The following SIDT1 variants were observed in gnomAD, a reference collection of about 807,000 sequenced individuals.
The protein encoded by SIDT1 is SID1 transmembrane family member 1, also known as SID1 transmembrane family, member 1.
A neutral mutation model predicts 107.5 loss-of-function variants in SIDT1; 101 were observed. The ratio of observed to expected loss-of-function variants is 0.94; its 90% CI spans 0.80 to 1.11. SIDT1 has a LOEUF of 1.11. SIDT1 is among the 50% of genes least tolerant of loss of function. SIDT1 has a pLI of 0.00. For missense variants in SIDT1, 1,076 were observed against 1,058.2 expected, an observed-to-expected ratio of 1.02 and a Z score of -0.23; for synonymous variants, 395 against 398.2, an observed-to-expected ratio of 0.99 and a Z score of 0.10.
At chr3:113,634,805 A>AAAAAAATAC in the SIDT1 span, among the ~76,000 whole-genome samples, 2,159 of 152,258 alleles carry the variant, frequency 0.014, 50 homozygotes, top group African/African-American at 0.05. Context: ...CTCCATCTCG[A>AAAAAAATAC]AAAAAATACA....
rs1943898286 is a variant in SIDT1 at position 113,588,457 on chromosome 3, A to G, written c.1001+3187A>G. 1.3e-5 allele frequency among the ~76,000 whole-genome samples: 2 copies of G among 152,336 alleles called. 1 individual carries two copies. The highest frequency in any genetic ancestry group is 2.9e-5 in the Non-Finnish European group (2 of 68,022). ...TTACTTGATGAGTCCCTTAAACCCT[A>G]TTACGAATACCTATGGGGTTTGTAG... On this transcript the variant is annotated intron_variant, in intron 9 of 24. Coordinates refer to ENST00000264852, the MANE Select transcript of SIDT1 (RefSeq NM_017699.3).
At chr3:113,583,848 G>A (rs1220282696) in intron 7 of SIDT1, among the ~76,000 whole-genome samples, 1 of 152,186 alleles carries the variant, frequency 6.6e-6, no homozygotes, top group Non-Finnish European at 1.5e-5. Flanking sequence ...TTAAGATGGG[G>A]TGGTAACCAG....
intron 4 of SIDT1, among the ~76,000 whole-genome samples, chr3:113,580,290 A>G (rs1943226989): frequency 6.6e-6 from 1 of 152,266 alleles, no homozygotes; most frequent in African/African-American, 2.4e-5. Flanking sequence ...TAAAGGGGGC[A>G]GGATGCTTCT....
chr3:113,565,423 T>G (rs1393130855), intron 1 of SIDT1, among the ~76,000 whole-genome samples: 2 of 152,038 alleles, frequency 1.3e-5, no homozygotes, highest in African/African-American at 4.8e-5. Context: ...TCCCAGCTAC[T>G]TGGGAGGCTG....
intron 3 of SIDT1, among the ~76,000 whole-genome samples, chr3:113,574,752 A>G (rs1238137476): frequency 2.0e-5 from 3 of 152,128 alleles, no homozygotes; most frequent in Non-Finnish European, 4.4e-5. Context: ...AGCCAGCACA[A>G]GGAAACAAAA....
chr3:113,601,283 C>T (rs1028365313), intron 10 of SIDT1: 2 of 225,006 alleles, frequency 8.9e-6, no homozygotes, highest in East Asian at 9.2e-5. Flanking sequence ...TTCAGTAGAA[C>T]TTATACATAA....
chr3:113,622,492 A>G (rs1946536032), intron 21 of SIDT1, among the ~76,000 whole-genome samples: 1 of 147,246 alleles, frequency 6.8e-6, no homozygotes, highest in Non-Finnish European at 1.5e-5. Flanking sequence ...AAAAAAAACT[A>G]TTTCAAAACA....
chr3:113,569,151 A>G (rs1942216168), intron 3 of SIDT1, among the ~76,000 whole-genome samples: 2 of 151,312 alleles, frequency 1.3e-5, no homozygotes, highest in African/African-American at 4.8e-5. Flanking sequence ...AAAAAAAAAA[A>G]AAAAAAAAGG....
intron 21 of SIDT1, among the ~76,000 whole-genome samples, chr3:113,620,434 A>C (rs1946392078): frequency 6.6e-6 from 1 of 152,138 alleles, no homozygotes. Context: ...TCAAACCATA[A>C]GTAAGTTTAA....
intron 24 of SIDT1, 44 bp downstream of exon 24, chr3:113,626,259 A>G (rs765676189): frequency 1.0e-5 from 13 of 1,286,270 alleles, no homozygotes; most frequent in Non-Finnish European, 1.2e-5. Context: ...CTCTCTTTAC[A>G]TCTTGTACTC....
chr3:113,583,383 T>C, intron 6 of SIDT1, 26 bp from the exon 7 acceptor site: 1 of 1,553,492 alleles, frequency 6.4e-7, no homozygotes, highest in Non-Finnish European at 8.8e-7. Context: ...TTACCGCCTA[T>C]CATAAGGTTG....
intron 9 of SIDT1, among the ~76,000 whole-genome samples, chr3:113,591,936 G>A (rs2669908): frequency 0.021 from 3,168 of 152,250 alleles, 118 homozygotes; most frequent in African/African-American, 0.072. Context: ...TGGTCTATCC[G>A]TACAATGGAA....
chr3:113,622,096 G>A (rs1047262069), intron 21 of SIDT1, among the ~76,000 whole-genome samples: 16 of 152,194 alleles, frequency 1.1e-4, no homozygotes, highest in African/African-American at 3.1e-4. Flanking sequence ...CAGTGAATCC[G>A]AATGGAGGAC....
At position 113,619,675 on chromosome 3, in the gene SIDT1, T is replaced by C; in HGVS notation, c.2044-5T>C. 6.2e-7 allele frequency: 1 copy of C among 1,613,934 alleles called. No homozygotes were observed. The highest frequency in any genetic ancestry group is 8.5e-7 in the Non-Finnish European group (1 of 1,179,786). Reference sequence around the variant, plus strand: ...TCATTTGATGTTTTCTTTCCTCTTTTCCAGGATAGAATGGTGTTGCTGGTT... The same window carrying C: ...TCATTTGATGTTTTCTTTCCTCTTTCCCAGGATAGAATGGTGTTGCTGGTT... On this transcript the variant is annotated splice_region_variant and splice_polypyrimidine_tract_variant and intron_variant, in intron 20 of 24. Transcript: ENST00000264852.
intron 1 of SIDT1, among the ~76,000 whole-genome samples, chr3:113,557,938 T>A (rs1026427027): frequency 1.3e-5 from 2 of 152,196 alleles, no homozygotes; most frequent in Admixed American, 6.5e-5. Flanking sequence ...CAATGCAAAG[T>A]TCTGTAGCTG....
chr3:113,602,177 G>A (rs1026111910), intron 11 of SIDT1, among the ~76,000 whole-genome samples: 1 of 152,196 alleles, frequency 6.6e-6, no homozygotes, highest in African/African-American at 2.4e-5. Flanking sequence ...TAAGTGGGCT[G>A]AAAAGAATGG....
intron 1 of SIDT1, among the ~76,000 whole-genome samples, chr3:113,538,238 C>T (rs184953055): frequency 2.0e-5 from 3 of 152,350 alleles, no homozygotes; most frequent in East Asian, 1.9e-4. Context: ...GTAGCAATCA[C>T]CTCCTACATT....
At chr3:113,627,487 A>G (rs1199145690) in intron 24 of SIDT1, among the ~76,000 whole-genome samples, 159 bp from the exon 25 acceptor site, 1 of 152,250 alleles carries the variant, frequency 6.6e-6, no homozygotes, top group Non-Finnish European at 1.5e-5. Flanking sequence ...TAATTATAAT[A>G]AGTGCCTATT....
At chr3:113,632,811 T>A (rs1947102651), downstream of SIDT1, 1 of 152,120 alleles carries the variant, frequency 6.6e-6, no homozygotes, top group South Asian at 2.1e-4. Flanking sequence ...GCCGATCGGG[T>A]GTCCACACTA....
Sources: gnomAD v4.1 joint callset for allele counts (sites outside exome capture counted in the v4.1 genomes callset) on GRCh38, gnomAD v4.1.1 for gene constraint, MANE v1.5 for transcripts, NCBI Gene and HGNC (gene_info 2026-07-23, HGNC 2026-07-21) for gene names.